The following KCNIP1 variants were observed in gnomAD, a reference collection of about 807,000 sequenced individuals.
The protein encoded by KCNIP1 is A-type potassium channel modulatory protein KCNIP1.
KCNIP1 carries 18 observed loss-of-function variants against 33.0 expected under a neutral mutation model. The observed-to-expected ratio is 0.55, with a 90% CI of 0.38 to 0.81. The LOEUF (loss-of-function observed/expected upper bound fraction) is 0.81, where lower values mean the gene tolerates loss of function less well. Ranked by LOEUF, KCNIP1 falls within the 30% of genes least tolerant of loss-of-function variation. The pLI, the probability that KCNIP1 is intolerant of heterozygous loss-of-function variation, is 0.00. For missense variants in KCNIP1, 238 were observed against 271.6 expected (o/e 0.88, Z 0.87); for synonymous variants, 93 against 98.3 (o/e 0.95, Z 0.32).
chr5:170,517,525 T>C (rs963321489), intron 1 of KCNIP1, among the ~76,000 whole-genome samples: 1 of 152,120 alleles, frequency 6.6e-6, no homozygotes, highest in Non-Finnish European at 1.5e-5. Flanking sequence ...TTAGTGGTAA[T>C]GGTGATTATT....
At chr5:170,658,894 TG>T (rs1387526038) in intron 1 of KCNIP1, among the ~76,000 whole-genome samples, 4 of 152,158 alleles carry the variant, frequency 2.6e-5, no homozygotes, top group African/African-American at 4.8e-5. Context: ...AGGTTCCTGT[TG>T]GGGGTTTGGG....
At chr5:170,521,590 G>C (rs182645332) in intron 1 of KCNIP1, among the ~76,000 whole-genome samples, 5 of 152,346 alleles carry the variant, frequency 3.3e-5, no homozygotes, top group Admixed American at 1.3e-4. Context: ...GTCTGGGAAG[G>C]ACAAGGGGAA....
chr5:170,510,574 C>T (rs969019716), intron 1 of KCNIP1, among the ~76,000 whole-genome samples: 1 of 152,146 alleles, frequency 6.6e-6, no homozygotes, highest in Non-Finnish European at 1.5e-5. Context: ...AGTCCTAGGG[C>T]CTTCAGAGAA....
At position 170,506,811 on chromosome 5, in the gene KCNIP1, C is replaced by G. The variant is rs372346159; in HGVS notation, c.61+2178C>G. Among the ~76,000 whole-genome samples, 109 of 152,316 alleles carry G rather than the reference C, an allele frequency of 7.2e-4. 3 individuals are homozygous for G. In the South Asian group the frequency reaches 0.022, roughly 31 times the overall value. On this transcript the variant is annotated intron_variant, in intron 1 of 7. Transcript: ENST00000328939. ...GGCACTCAGCCCTTCCTGCACAAAG[C>G]CCACTGGCGTGAGTTGTCCAGGGGT...
At chr5:170,734,838 A>G (rs1385342771) in intron 7 of KCNIP1, among the ~76,000 whole-genome samples, 1 of 152,234 alleles carries the variant, frequency 6.6e-6, no homozygotes, top group Non-Finnish European at 1.5e-5. Context: ...TAACAACTAG[A>G]ATGGAATGAA....
In KCNIP1 at chr5:170,582,180, C is replaced by T. The variant is rs532664121; in HGVS notation, c.61+77547C>T. 5.9e-5 allele frequency among the ~76,000 whole-genome samples: 9 copies of T among 152,252 alleles called. No individual in the cohort carries two copies. In the East Asian group the frequency reaches 9.6e-4, roughly 16 times the overall value. Reference sequence around the variant, plus strand: ...TATCCAAACTATAGCACCCACCTAACGAATGCAAAAGATGTGCAGTGACCT... The same window carrying T: ...TATCCAAACTATAGCACCCACCTAATGAATGCAAAAGATGTGCAGTGACCT... On this transcript the variant is annotated intron_variant, in intron 1 of 7. Transcript: ENST00000328939.
At chr5:170,712,625 G>A (rs1763491789) in intron 1 of KCNIP1, among the ~76,000 whole-genome samples, 1 of 152,242 alleles carries the variant, frequency 6.6e-6, no homozygotes, top group African/African-American at 2.4e-5. Context: ...TGTTCAATGA[G>A]CCCCTGTGGG....
At chr5:170,441,951 CAAAA>C (rs34610945) in intron 1 of KCNIP1, among the ~76,000 whole-genome samples, 7 of 72,224 alleles carry the variant, frequency 9.7e-5, no homozygotes, top group African/African-American at 2.4e-4. Flanking sequence ...GACTCCATCT[CAAAA>C]AAAAAAAAAA....
chr5:170,535,824 G>A (rs10076552), intron 1 of KCNIP1, among the ~76,000 whole-genome samples: 32,665 of 152,100 alleles, frequency 0.21, 4,464 homozygotes, highest in African/African-American at 0.39. Context: ...CTCCAGACCA[G>A]ATAAATAAGA....
chr5:170,711,225 C>T (rs550695922), intron 1 of KCNIP1, among the ~76,000 whole-genome samples: 7 of 152,306 alleles, frequency 4.6e-5, no homozygotes, highest in South Asian at 2.1e-4. Flanking sequence ...TATAGTTGTA[C>T]ACTCATCATC....
chr5:170,434,475 C>G (rs915431359), intron 1 of KCNIP1, among the ~76,000 whole-genome samples: 6 of 152,150 alleles, frequency 3.9e-5, no homozygotes, highest in African/African-American at 1.4e-4. Flanking sequence ...TCATACCTCT[C>G]CCCAGGAGAT....
At chr5:170,438,101 A>AGGCTCTCTGACCCCAGTGGAATTT (rs1755906477) in intron 1 of KCNIP1, among the ~76,000 whole-genome samples, 1 of 152,176 alleles carries the variant, frequency 6.6e-6, no homozygotes, top group African/African-American at 2.4e-5. Flanking sequence ...AGGCTCTGGA[A>AGGCTCTCTGACCCCAGTGGAATTT]GGCTCTCTGA....
chr5:170,422,386 A>AATGGGG (rs1408179976), intron 1 of KCNIP1: 1 of 152,190 alleles, frequency 6.6e-6, no homozygotes, highest in African/African-American at 2.4e-5. Flanking sequence ...ATGCTTCTAG[A>AATGGGG]ATGGGGAGAC....
At chr5:170,385,355 G>T (rs753703984) in intron 1 of KCNIP1, 19 of 1,614,152 alleles carry the variant, frequency 1.2e-5, no homozygotes, top group Non-Finnish European at 1.5e-5. Context: ...CCAGGATGTA[G>T]TAGGTGATGA....
intron 1 of KCNIP1, chr5:170,385,298 C>T (rs748026967): frequency 8.7e-6 from 14 of 1,613,800 alleles, no homozygotes; most frequent in Middle Eastern, 1.6e-4. Flanking sequence ...GTGGGCAGGC[C>T]GGGAGAGCTC....
chr5:170,668,731 C>G (rs1761805314), intron 1 of KCNIP1, among the ~76,000 whole-genome samples: 1 of 152,130 alleles, frequency 6.6e-6, no homozygotes, highest in Admixed American at 6.5e-5. Flanking sequence ...CAGTATTATC[C>G]ACAGATTCTG....
At chr5:170,423,707 C>T (rs1459027436) in intron 1 of KCNIP1, among the ~76,000 whole-genome samples, 1 of 152,180 alleles carries the variant, frequency 6.6e-6, no homozygotes, top group Non-Finnish European at 1.5e-5. Context: ...CAAATGGGCT[C>T]TTCAGATGGT....
At chr5:170,722,879 G>T in intron 5 of KCNIP1, 59 bp downstream of exon 5, 1 of 1,052,416 alleles carries the variant, frequency 9.5e-7, no homozygotes, top group African/African-American at 1.6e-5. Flanking sequence ...TAACCCAACA[G>T]AAAACAGCCC....
intron 1 of KCNIP1, chr5:170,354,030 G>T: frequency 7.0e-7 from 1 of 1,428,132 alleles, no homozygotes; most frequent in Non-Finnish European, 9.9e-7. Context: ...CATTGCCTCG[G>T]TGTGGTGAGC....
Sources: gnomAD v4.1 joint callset for allele counts (sites outside exome capture counted in the v4.1 genomes callset) on GRCh38, gnomAD v4.1.1 for gene constraint, MANE v1.5 for transcripts, NCBI Gene and HGNC (gene_info 2026-07-23, HGNC 2026-07-21) for gene names.